KDM4C: variants seen among roughly 807,000 people sequenced by gnomAD.
KDM4C encodes the protein lysine demethylase 4C.
KDM4C carries 81 observed loss-of-function variants against 129.3 expected under a neutral mutation model. That is an observed-to-expected ratio of 0.63 (90% CI 0.52 to 0.75). The LOEUF is 0.75. Ranked by LOEUF, KDM4C falls within the 30% of genes least tolerant of loss-of-function variation. KDM4C has a pLI of 0.00. For missense variants in KDM4C, 1,457 were observed against 1,304.0 expected (o/e 1.12, Z -1.81); for synonymous variants, 573 against 456.1 (o/e 1.26, Z -3.26).
chr9:7,154,389 C>T (rs536909689), intron 19 of KDM4C, among the ~76,000 whole-genome samples: 5 of 152,326 alleles, frequency 3.3e-5, no homozygotes, highest in Middle Eastern at 3.4e-3. Context: ...ACATGTGCCA[C>T]GTCTTCATCT....
At chr9:6,958,146 T>C (rs1829402956) in intron 8 of KDM4C, among the ~76,000 whole-genome samples, 1 of 152,040 alleles carries the variant, frequency 6.6e-6, no homozygotes, top group Non-Finnish European at 1.5e-5. Flanking sequence ...AGAAAGTTTT[T>C]CTCCAACCAG....
intron 17 of KDM4C, among the ~76,000 whole-genome samples, chr9:7,086,970 T>C (rs1001892157): frequency 3.3e-5 from 5 of 152,226 alleles, no homozygotes; most frequent in Non-Finnish European, 7.3e-5. Context: ...CGTTGTACTC[T>C]GCCCTGTGGT....
chr9:6,789,637 A>G (rs187605238), intron 1 of KDM4C, among the ~76,000 whole-genome samples: 4 of 151,902 alleles, frequency 2.6e-5, no homozygotes, highest in African/African-American at 9.6e-5. Context: ...AAGTGCTGGG[A>G]TTACAGGTGT....
chr9:6,725,374 C>T (rs1378565556), intron 1 of KDM4C, among the ~76,000 whole-genome samples: 3 of 151,946 alleles, frequency 2.0e-5, no homozygotes, highest in Non-Finnish European at 2.9e-5. Context: ...CAGAGACTTG[C>T]TTATAACCTT....
At chr9:7,112,035 A>G (rs1196421625) in intron 18 of KDM4C, among the ~76,000 whole-genome samples, 2 of 152,080 alleles carry the variant, frequency 1.3e-5, no homozygotes, top group Non-Finnish European at 2.9e-5. Context: ...CGTGTTACCC[A>G]ATAGCTGTCT....
chr9:7,011,577 G>A, intron 12 of KDM4C, 121 bp from the exon 13 acceptor site: 1 of 828,794 alleles, frequency 1.2e-6, no homozygotes, highest in African/African-American at 1.7e-5. Flanking sequence ...GAAAGACAAA[G>A]TAGGTTTGGT....
intron 17 of KDM4C, among the ~76,000 whole-genome samples, chr9:7,095,292 C>A (rs565387627): frequency 2.0e-5 from 3 of 152,228 alleles, no homozygotes; most frequent in African/African-American, 7.2e-5. Flanking sequence ...AAAACGTCAG[C>A]AAACCACAGC....
chr9:7,100,121 G>A (rs1284823757), intron 17 of KDM4C, among the ~76,000 whole-genome samples: 1 of 152,082 alleles, frequency 6.6e-6, no homozygotes, highest in Admixed American at 6.5e-5. Flanking sequence ...GCCGGTTGTG[G>A]CGTGATGGCT....
intron 6 of KDM4C, among the ~76,000 whole-genome samples, chr9:6,884,947 G>A (rs1845031177): frequency 6.6e-6 from 1 of 152,148 alleles, no homozygotes; most frequent in Non-Finnish European, 1.5e-5. Flanking sequence ...CATATTTTTA[G>A]ACACATCCAC....
intron 1 of KDM4C, among the ~76,000 whole-genome samples, chr9:6,783,991 T>A (rs140191368): frequency 2.0e-4 from 30 of 152,146 alleles, no homozygotes; most frequent in African/African-American, 7.2e-4. Flanking sequence ...CCTTTGAAAG[T>A]TATATGGGAG....
chr9:7,009,814 G>C (rs937730134), intron 12 of KDM4C, among the ~76,000 whole-genome samples: 3 of 152,096 alleles, frequency 2.0e-5, no homozygotes, highest in African/African-American at 4.8e-5. Flanking sequence ...TCATTGGTTT[G>C]AATTGTTTGA....
intron 8 of KDM4C, among the ~76,000 whole-genome samples, chr9:6,906,522 C>T (rs973072114): frequency 6.6e-6 from 1 of 152,202 alleles, no homozygotes; most frequent in Non-Finnish European, 1.5e-5. Context: ...ACCTCAGCCT[C>T]CCTAGTAGCT....
At chr9:7,126,630 A>G (rs1356232377) in intron 18 of KDM4C, among the ~76,000 whole-genome samples, 1 of 152,220 alleles carries the variant, frequency 6.6e-6, no homozygotes, top group Admixed American at 6.5e-5. Context: ...TTATGCACAT[A>G]TATGTGCACA....
chr9:6,768,975 G>A (rs148476357), intron 1 of KDM4C, among the ~76,000 whole-genome samples: 2 of 151,996 alleles, frequency 1.3e-5, no homozygotes, highest in Non-Finnish European at 2.9e-5. Context: ...GTTTCACCAT[G>A]TTGGCCAGGC....
intron 2 of KDM4C, among the ~76,000 whole-genome samples, chr9:6,804,850 A>G (rs936683807): frequency 1.3e-5 from 2 of 152,176 alleles, no homozygotes; most frequent in Admixed American, 6.5e-5. Flanking sequence ...ATCATATTCA[A>G]TAAAGATGAA....
At chr9:7,055,607 T>C (rs1830765351) in intron 17 of KDM4C, among the ~76,000 whole-genome samples, 1 of 152,216 alleles carries the variant, frequency 6.6e-6, no homozygotes, top group African/African-American at 2.4e-5. Flanking sequence ...TTTTGAAAGG[T>C]ATATCAATTC....
intron 18 of KDM4C, among the ~76,000 whole-genome samples, chr9:7,123,784 T>C (rs1587754233): frequency 6.6e-6 from 1 of 152,190 alleles, no homozygotes; most frequent in African/African-American, 2.4e-5. Context: ...AATAGCCATG[T>C]GCCTGAATTT....
At chr9:7,156,132 CTGTT>C in intron 19 of KDM4C, among the ~76,000 whole-genome samples, 1 of 152,128 alleles carries the variant, frequency 6.6e-6, no homozygotes, top group African/African-American at 2.4e-5. Flanking sequence ...TTTCATGTGT[CTGTT>C]GGCTGCATAA....
intron 8 of KDM4C, among the ~76,000 whole-genome samples, chr9:6,967,887 A>T (rs748502626): frequency 6.6e-6 from 1 of 152,208 alleles, no homozygotes; most frequent in Admixed American, 6.5e-5. Flanking sequence ...TGCATATTCT[A>T]TGGCTTTTCA....
Sources: allele counts gnomAD v4.1 joint callset (sites outside exome capture counted in the v4.1 genomes callset), GRCh38; gene constraint gnomAD v4.1.1; transcripts MANE v1.5; gene names NCBI Gene and HGNC (gene_info 2026-07-23, HGNC 2026-07-21).